RELN: variants seen among roughly 807,000 people sequenced by gnomAD.
The protein encoded by RELN is reelin.
In RELN, 108 loss-of-function variants were observed where a neutral mutation model predicts 427.6. The ratio of observed to expected loss-of-function variants is 0.25; its 90% CI spans 0.22 to 0.30. The LOEUF is 0.30. Ranked by LOEUF, RELN falls within the 10% of genes least tolerant of loss-of-function variation. The pLI is 1.00. For missense variants in RELN, 3,715 were observed against 4,302.8 expected, an observed-to-expected ratio of 0.86 and a Z score of 3.82; for synonymous variants, 1,524 against 1,513.4, an observed-to-expected ratio of 1.01 and a Z score of -0.16.
chr7:103,829,699 C>A (rs939839103), intron 3 of RELN, among the ~76,000 whole-genome samples: 1 of 151,856 alleles, frequency 6.6e-6, no homozygotes, highest in African/African-American at 2.4e-5. Context: ...CACAGGCAGC[C>A]CAAATGACTA....
intron 40 of RELN, among the ~76,000 whole-genome samples, chr7:103,552,661 C>T (rs1830439539): frequency 6.6e-6 from 1 of 151,834 alleles, no homozygotes; most frequent in Admixed American, 6.6e-5. Flanking sequence ...CACCACCATG[C>T]CCGGCTAATT....
At chr7:103,826,475 T>C (rs1276293873) in intron 3 of RELN, among the ~76,000 whole-genome samples, 1 of 152,082 alleles carries the variant, frequency 6.6e-6, no homozygotes, top group South Asian at 2.1e-4. Context: ...AAGGCCTTAA[T>C]ATACAGAGAC....
chr7:103,978,556 G>C (rs961299960), intron 1 of RELN, among the ~76,000 whole-genome samples: 3 of 152,212 alleles, frequency 2.0e-5, no homozygotes, highest in African/African-American at 4.8e-5. Flanking sequence ...GACTGGTCTA[G>C]ATGGTACAGG....
intron 28 of RELN, among the ~76,000 whole-genome samples, chr7:103,577,897 G>A (rs1394178664): frequency 2.0e-5 from 3 of 152,168 alleles, no homozygotes; most frequent in Non-Finnish European, 4.4e-5. Context: ...CTGTGGTAAG[G>A]AAAGTGATGA....
chr7:103,483,410 C>T (rs990159165), intron 62 of RELN, among the ~76,000 whole-genome samples: 3 of 152,158 alleles, frequency 2.0e-5, no homozygotes, highest in Non-Finnish European at 2.9e-5. Flanking sequence ...ACTGCCCTTG[C>T]GTTTAGTTAT....
At chr7:103,933,311 C>G (rs12533834) in intron 1 of RELN, among the ~76,000 whole-genome samples, 40,710 of 152,008 alleles carry the variant, frequency 0.27, 6,157 homozygotes, top group Non-Finnish European at 0.34. Context: ...CATTTAACAA[C>G]TGGCTTGCAA....
intron 51 of RELN, among the ~76,000 whole-genome samples, chr7:103,507,790 G>C (rs1245541677): frequency 6.6e-6 from 1 of 152,096 alleles, no homozygotes; most frequent in Non-Finnish European, 1.5e-5. Flanking sequence ...CCACTAGTGA[G>C]ACGAATAAGG....
intron 2 of RELN, among the ~76,000 whole-genome samples, chr7:103,868,050 C>T (rs1446997384): frequency 6.6e-6 from 1 of 151,978 alleles, no homozygotes; most frequent in Non-Finnish European, 1.5e-5. Flanking sequence ...AAATTTGGCC[C>T]TTCCCAAAGG....
chr7:103,640,633 T>A lies in RELN; in HGVS notation c.2003-24A>T, dbSNP rs762936401. On this transcript the variant is annotated intron_variant, in intron 16 of 64. Transcript: ENST00000428762. The surrounding 1 kb of genome is among the most constrained non-coding windows in gnomAD (Gnocchi z 4.1). ...AACTGTGGGAGGGAAAAAGAGAACATAATTACAAAAACATAGAACACTACC... is the reference window on the plus strand; with the variant it reads ...AACTGTGGGAGGGAAAAAGAGAACAAAATTACAAAAACATAGAACACTACC... 1 of 1,612,076 alleles carries A rather than the reference T, an allele frequency of 6.2e-7. No homozygotes were observed. The highest frequency in any genetic ancestry group is 1.7e-5 in the Admixed American group (1 of 59,968).
chr7:103,865,998 C>T (rs1324731892), intron 2 of RELN, among the ~76,000 whole-genome samples: 1 of 152,064 alleles, frequency 6.6e-6, no homozygotes, highest in African/African-American at 2.4e-5. Context: ...ATCAATGTAC[C>T]TAACCACTTG....
chr7:103,731,485 CTTCT>C (rs1790352886), intron 6 of RELN, among the ~76,000 whole-genome samples: 1 of 151,166 alleles, frequency 6.6e-6, no homozygotes, highest in African/African-American at 2.4e-5. Flanking sequence ...AAATCCTCTC[CTTCT>C]ATTTTTTTTT....
chr7:103,870,187 C>T (rs879549783), intron 2 of RELN, among the ~76,000 whole-genome samples: 4 of 152,004 alleles, frequency 2.6e-5, no homozygotes, highest in Non-Finnish European at 5.9e-5. Flanking sequence ...GTTCTTTGTA[C>T]CTATGTATAA....
chr7:103,943,090 T>C (rs1796148786), intron 1 of RELN, among the ~76,000 whole-genome samples: 1 of 152,172 alleles, frequency 6.6e-6, no homozygotes, highest in African/African-American at 2.4e-5. Flanking sequence ...TTTAGTGAAG[T>C]CAATGACTTT....
chr7:103,845,609 C>A (rs940188431), intron 2 of RELN, among the ~76,000 whole-genome samples: 1 of 152,074 alleles, frequency 6.6e-6, no homozygotes, highest in South Asian at 2.1e-4. Context: ...ATCTAAAAAG[C>A]CTTTTTAGAC....
At chr7:103,615,309 G>T (rs1832055453) in intron 20 of RELN, among the ~76,000 whole-genome samples, 1 of 152,270 alleles carries the variant, frequency 6.6e-6, no homozygotes, top group South Asian at 2.1e-4. Flanking sequence ...AAATGGATAA[G>T]AGCTTAGTAG....
At chr7:103,742,180 C>A (rs1343916235) in intron 6 of RELN, among the ~76,000 whole-genome samples, 1 of 152,166 alleles carries the variant, frequency 6.6e-6, no homozygotes, top group Non-Finnish European at 1.5e-5. Flanking sequence ...GTCTAGCAAA[C>A]TCCAACAGAC....
chr7:103,542,255 G>T (rs1830191789), intron 43 of RELN, among the ~76,000 whole-genome samples: 1 of 152,156 alleles, frequency 6.6e-6, no homozygotes, highest in South Asian at 2.1e-4. Context: ...CCCTTCAAAT[G>T]TTTTTAACTT....
chr7:103,928,292 A>G (rs1318318918), intron 1 of RELN, among the ~76,000 whole-genome samples: 2 of 152,234 alleles, frequency 1.3e-5, no homozygotes, highest in African/African-American at 2.4e-5. Flanking sequence ...TCAAATAATG[A>G]ATATTTGTTA....
rs80201702 is a variant in RELN at position 103,949,756 on chromosome 7, C to A, written c.227-32571G>T. 3.3e-5 allele frequency among the ~76,000 whole-genome samples: 5 copies of A among 152,222 alleles called. No homozygotes were observed. The East Asian group carries it at 9.7e-4, about 29-fold the overall frequency. ...CTTTCATAATTGGTAGAAAATTAAC[C>A]GGTATGGTTTCTCAAGAATGTAAAC... On this transcript the variant is annotated intron_variant, in intron 1 of 64. Transcript: ENST00000428762.
Sources: gnomAD v4.1 joint callset for allele counts (sites outside exome capture counted in the v4.1 genomes callset) on GRCh38, gnomAD v4.1.1 for gene constraint, Gnocchi (gnomAD v3.1) non-coding constraint, MANE v1.5 for transcripts, NCBI Gene and HGNC (gene_info 2026-07-23, HGNC 2026-07-21) for gene names.